KIFAP3: variants seen among roughly 807,000 people sequenced by gnomAD.
The protein encoded by KIFAP3 is kinesin-associated protein 3.
In KIFAP3, 68 loss-of-function variants were observed where a neutral mutation model predicts 106.5. The ratio of observed to expected loss-of-function variants is 0.64; its 90% CI spans 0.53 to 0.78. The LOEUF is 0.78. KIFAP3 is among the 30% of genes least tolerant of loss of function. The probability of loss-of-function intolerance (pLI) is 0.00; values close to 1 mark genes in which losing one functional copy is unlikely to be tolerated. For missense variants in KIFAP3, 780 were observed against 941.8 expected (o/e 0.83, Z 2.25); for synonymous variants, 320 against 311.5 (o/e 1.03, Z -0.29).
In KIFAP3 at chr1:170,043,366, C is replaced by T. The variant is rs1031059007; in HGVS notation, c.319+3346G>A. On this transcript the variant is annotated intron_variant, in intron 3 of 19. Coordinates refer to ENST00000361580, the MANE Select transcript of KIFAP3 (RefSeq NM_014970.4). Reference sequence around the variant, plus strand: ...ACATTATTAGTGAGGAAAGACTTAGCCTAATGAACTGGATAAAAGCCACTG... The same window carrying T: ...ACATTATTAGTGAGGAAAGACTTAGTCTAATGAACTGGATAAAAGCCACTG... Among the ~76,000 whole-genome samples the T allele has an allele frequency of 4.6e-5, 7 of 152,262 alleles. No homozygotes were observed. The East Asian group carries it at 1.2e-3, about 25-fold the overall frequency.
chr1:170,032,079 A>G (rs1175215433), intron 7 of KIFAP3, 95 bp from the exon 8 acceptor site: 7 of 683,374 alleles, frequency 1.0e-5, no homozygotes, highest in African/African-American at 9.0e-5. Context: ...TTTTATGTGC[A>G]ACTTTATCCA....
intron 18 of KIFAP3, chr1:169,958,386 C>A (rs1390173254): frequency 1.3e-5 from 2 of 152,086 alleles, no homozygotes; most frequent in Non-Finnish European, 2.9e-5. Context: ...GCCACCATGC[C>A]CGACCTCTTT....
intron 1 of KIFAP3, among the ~76,000 whole-genome samples, chr1:170,060,950 C>G (rs971748747): frequency 6.6e-6 from 1 of 152,172 alleles, no homozygotes; most frequent in Admixed American, 6.5e-5. Flanking sequence ...GGAAAACTGG[C>G]TAGCCATATG....
intron 19 of KIFAP3, among the ~76,000 whole-genome samples, chr1:169,949,134 G>A (rs1664600890): frequency 6.6e-6 from 1 of 151,074 alleles, no homozygotes; most frequent in African/African-American, 2.4e-5. Flanking sequence ...ATCCAACTGT[G>A]ATTTAATATT....
chr1:169,998,960 G>T (rs1020902810), intron 10 of KIFAP3, among the ~76,000 whole-genome samples: 2 of 152,104 alleles, frequency 1.3e-5, no homozygotes, highest in African/African-American at 4.8e-5. Context: ...GTACGTGGAG[G>T]GGGAAGATGT....
chr1:170,004,297 A>C (rs1198555490), intron 10 of KIFAP3, among the ~76,000 whole-genome samples: 1 of 152,204 alleles, frequency 6.6e-6, no homozygotes, highest in African/African-American at 2.4e-5. Flanking sequence ...TAATTTATAG[A>C]TTCAATGCCA....
At chr1:170,009,380 G>C (rs1424188005) in intron 10 of KIFAP3, among the ~76,000 whole-genome samples, 1 of 151,974 alleles carries the variant, frequency 6.6e-6, no homozygotes, top group Non-Finnish European at 1.5e-5. Flanking sequence ...ATTCAGAATT[G>C]TCCAAAAGAG....
intron 10 of KIFAP3, among the ~76,000 whole-genome samples, chr1:170,006,861 G>C (rs146984739): frequency 9.2e-5 from 14 of 152,090 alleles, no homozygotes; most frequent in Admixed American, 2.6e-4. Flanking sequence ...GAAGACATCC[G>C]TATAGGCAGA....
At chr1:170,032,678 A>C (rs1669476991) in intron 7 of KIFAP3, among the ~76,000 whole-genome samples, 1 of 151,722 alleles carries the variant, frequency 6.6e-6, no homozygotes. Context: ...AAATACAAAG[A>C]AATTTAGGAC....
At position 169,966,464 on chromosome 1, in the gene KIFAP3, C is replaced by CA. The variant is rs58208596; in HGVS notation, c.1984-5230dup. The stretch of plus-strand genomic sequence containing the variant: ...GTTATAGATCATAGACGGAAAATGG[C>CA]AAAAAAAAAAAAAAAAAAAACCTTG... On this transcript the variant is annotated intron_variant, in intron 17 of 19. Coordinates refer to ENST00000361580, the MANE Select transcript of KIFAP3 (RefSeq NM_014970.4). Among the ~76,000 whole-genome samples the CA allele has an allele frequency of 6.4e-3, 828 of 130,058 alleles. 6 individuals are homozygous for CA. Among genetic ancestry groups the CA allele is most frequent in the Non-Finnish European group, 0.011 (663 of 60,804 alleles). 85.3% of individuals were successfully genotyped at this position (130,058 alleles called of 152,430 possible).
At chr1:170,051,697 A>G (rs1359485928) in intron 2 of KIFAP3, among the ~76,000 whole-genome samples, 2 of 152,210 alleles carry the variant, frequency 1.3e-5, no homozygotes, top group Non-Finnish European at 2.9e-5. Context: ...AACTCACTCA[A>G]AACCACATAA....
upstream of KIFAP3, among the ~76,000 whole-genome samples, chr1:170,078,250 C>T (rs925085037): frequency 5.3e-5 from 8 of 151,934 alleles, no homozygotes; most frequent in African/African-American, 1.9e-4. Flanking sequence ...TCTCATCATT[C>T]TAATAAGTGT....
intron 1 of KIFAP3, among the ~76,000 whole-genome samples, chr1:170,084,064 A>T (rs936377105): frequency 1.6e-4 from 24 of 152,188 alleles, no homozygotes; most frequent in African/African-American, 5.3e-4. Context: ...CCTAACACCA[A>T]TGACAGAATC....
At chr1:170,054,176 G>C (rs763714900) in intron 2 of KIFAP3, among the ~76,000 whole-genome samples, 1 of 152,162 alleles carries the variant, frequency 6.6e-6, no homozygotes, top group Non-Finnish European at 1.5e-5. Context: ...CCTTCAAATA[G>C]TGGGCAAAGG....
chr1:170,028,508 T>C (rs1007363836), intron 8 of KIFAP3, among the ~76,000 whole-genome samples: 4 of 152,286 alleles, frequency 2.6e-5, no homozygotes, highest in African/African-American at 9.6e-5. Context: ...CAGCTAATTT[T>C]TGTTTTTTGG....
At chr1:169,953,070 G>A (rs889499964) in intron 19 of KIFAP3, among the ~76,000 whole-genome samples, 1 of 152,088 alleles carries the variant, frequency 6.6e-6, no homozygotes, top group African/African-American at 2.4e-5. Context: ...CACTGGACTA[G>A]CTTAATGTGA....
intron 9 of KIFAP3, among the ~76,000 whole-genome samples, chr1:170,019,361 G>A (rs556378898): frequency 6.6e-6 from 1 of 151,994 alleles, no homozygotes; most frequent in Admixed American, 6.6e-5. Flanking sequence ...AATAAAACCA[G>A]ACCAAGACAT....
At chr1:169,931,223 TTTATTA>T (rs1388729318) in intron 19 of KIFAP3, among the ~76,000 whole-genome samples, 4 of 152,290 alleles carry the variant, frequency 2.6e-5, no homozygotes, top group Admixed American at 2.6e-4. Flanking sequence ...TCTGACCCAT[TTTATTA>T]TTATTTATCT....
intron 2 of KIFAP3, among the ~76,000 whole-genome samples, chr1:170,047,536 G>C (rs1670321340): frequency 7.1e-6 from 1 of 140,608 alleles, no homozygotes; most frequent in Non-Finnish European, 1.5e-5. Context: ...CAGCAGAATT[G>C]TTTGAACTTG....
Sources: allele counts gnomAD v4.1 joint callset (sites outside exome capture counted in the v4.1 genomes callset), GRCh38; gene constraint gnomAD v4.1.1; transcripts MANE v1.5; gene names NCBI Gene and HGNC (gene_info 2026-07-23, HGNC 2026-07-21).